The following ADAM22 variants were observed in gnomAD, a reference collection of about 807,000 sequenced individuals.
ADAM22 encodes ADAM metallopeptidase domain 22, also known as disintegrin and metalloproteinase domain-containing protein 22.
ADAM22 carries 65 observed loss-of-function variants against 144.6 expected under a neutral mutation model. The ratio of observed to expected loss-of-function variants is 0.45; its 90% CI spans 0.37 to 0.55. The LOEUF (loss-of-function observed/expected upper bound fraction) is 0.55. Among genes scored for constraint, ADAM22 ranks in the 20% least tolerant of loss-of-function variants. The pLI, the probability that ADAM22 is intolerant of heterozygous loss-of-function variation, is 0.00. For missense variants in ADAM22, 974 were observed against 1,184.9 expected (o/e 0.82, Z 2.61); for synonymous variants, 391 against 412.6 (o/e 0.95, Z 0.63).
intron 3 of ADAM22, among the ~76,000 whole-genome samples, chr7:88,009,516 A>T (rs1479561682): frequency 6.6e-6 from 1 of 152,178 alleles, no homozygotes; most frequent in African/African-American, 2.4e-5. Flanking sequence ...AGGCATCATA[A>T]TTTTTCACTA....
At chr7:87,953,611 A>G (rs1392550711) in intron 2 of ADAM22, among the ~76,000 whole-genome samples, 1 of 152,230 alleles carries the variant, frequency 6.6e-6, no homozygotes, top group Non-Finnish European at 1.5e-5. Flanking sequence ...AAAAGAATGT[A>G]TGTTCTGTTG....
intron 3 of ADAM22, among the ~76,000 whole-genome samples, chr7:88,016,376 A>T (rs905735913): frequency 1.3e-5 from 2 of 152,240 alleles, no homozygotes; most frequent in Non-Finnish European, 2.9e-5. Context: ...TTCTAGAACA[A>T]TGGGAAATGT....
chr7:88,009,869 T>C (rs1794960568), intron 3 of ADAM22, among the ~76,000 whole-genome samples: 1 of 152,202 alleles, frequency 6.6e-6, no homozygotes, highest in African/African-American at 2.4e-5. Context: ...GCTCTAAGAA[T>C]GTATCTGGAT....
At chr7:88,040,930 T>C (rs986795747) in intron 3 of ADAM22, among the ~76,000 whole-genome samples, 1 of 152,062 alleles carries the variant, frequency 6.6e-6, no homozygotes, top group Non-Finnish European at 1.5e-5. Context: ...TCAAAACCTC[T>C]CTTAGCCCCA....
intron 8 of ADAM22, among the ~76,000 whole-genome samples, chr7:88,126,889 C>T (rs1407010716): frequency 6.6e-6 from 1 of 151,818 alleles, no homozygotes; most frequent in Non-Finnish European, 1.5e-5. Flanking sequence ...ATAAGAGGAT[C>T]AAGAAACTTT....
intron 29 of ADAM22, among the ~76,000 whole-genome samples, chr7:88,183,647 A>G (rs1263532796): frequency 6.6e-6 from 1 of 151,924 alleles, no homozygotes; most frequent in South Asian, 2.1e-4. Context: ...ATTTAATATG[A>G]CATTACAATA....
chr7:88,030,492 T>C (rs1442975401), intron 3 of ADAM22, among the ~76,000 whole-genome samples: 1 of 152,158 alleles, frequency 6.6e-6, no homozygotes, highest in Non-Finnish European at 1.5e-5. Flanking sequence ...TTTTATTATT[T>C]GGTGATATGG....
In ADAM22 at chr7:88,165,906, CAAT is replaced by C. The variant is rs1311622613; in HGVS notation, c.2152_2154del (p.Asn718del). The stretch of plus-strand genomic sequence containing the variant: ...CTGATTGCAACACTTACTTCCCTCA[CAAT>C]GATGATGCAAAGACTGGTATCACTC... On this transcript the variant is annotated inframe_deletion, in exon 24 of 32. Transcript: ENST00000413139. 2 of 1,611,746 alleles carry C rather than the reference CAAT, an allele frequency of 1.2e-6. No homozygotes were observed. Among genetic ancestry groups the C allele is most frequent in the African/African-American group, 1.3e-5 (1 of 74,798 alleles).
chr7:88,015,256 G>T (rs896492953), intron 3 of ADAM22, among the ~76,000 whole-genome samples: 5 of 152,182 alleles, frequency 3.3e-5, no homozygotes, highest in Non-Finnish European at 7.3e-5. Context: ...TGATTGGAGA[G>T]CACTTAATAA....
At chr7:88,055,921 A>G (rs572612897) in intron 3 of ADAM22, among the ~76,000 whole-genome samples, 28 of 152,200 alleles carry the variant, frequency 1.8e-4, no homozygotes, top group African/African-American at 6.7e-4. Context: ...ATCATGACAG[A>G]TGTTTTGCTT....
Position 88,070,856 on chromosome 7 carries a change from AG to A in ADAM22, c.324-4769del, listed in dbSNP as rs367835867. 2.9e-3 allele frequency among the ~76,000 whole-genome samples: 442 copies of A among 152,318 alleles called. 3 individuals are homozygous for A. The highest frequency in any genetic ancestry group is 0.01 in the African/African-American group (418 of 41,580). ...TTGTTTTCATTTTTCCAGTGAATAC[AG>A]AAGTGAGATTATCTGAAGGGAGTGA... On this transcript the variant is annotated intron_variant, in intron 3 of 31. Coordinates refer to ENST00000413139, the MANE Select transcript of ADAM22 (RefSeq NM_001324418.2).
At chr7:88,148,916 T>G (rs1187093357) in intron 17 of ADAM22, 61 bp from the exon 18 acceptor site, 3 of 1,259,302 alleles carry the variant, frequency 2.4e-6, no homozygotes, top group Admixed American at 2.2e-5. Context: ...TTTTTTTAGA[T>G]GATATTGTAA....
At chr7:87,936,443 A>G (rs1841271699) in intron 2 of ADAM22, among the ~76,000 whole-genome samples, 1 of 152,172 alleles carries the variant, frequency 6.6e-6, no homozygotes, top group Admixed American at 6.5e-5. Flanking sequence ...TTTTTCAATT[A>G]ATTAAGATTA....
In ADAM22 at chr7:87,935,017, T is replaced by G. The variant is rs1221105554; in HGVS notation, c.86-9T>G. On this transcript the variant is annotated splice_polypyrimidine_tract_variant and intron_variant, in intron 1 of 31. Transcript: ENST00000413139. ...CTCCACTCCCTCCTTTCCCGGTTCCTGCCTGGAGGAGACGCCTCATTGATG... is the reference window on the plus strand; with the variant it reads ...CTCCACTCCCTCCTTTCCCGGTTCCGGCCTGGAGGAGACGCCTCATTGATG... 2 of 1,614,006 alleles carry G rather than the reference T, an allele frequency of 1.2e-6. No homozygotes were observed. Among genetic ancestry groups the G allele is most frequent in the African/African-American group, 2.7e-5 (2 of 74,922 alleles).
At chr7:87,980,555 A>G (rs1420257101) in intron 3 of ADAM22, among the ~76,000 whole-genome samples, 1 of 152,116 alleles carries the variant, frequency 6.6e-6, no homozygotes, top group Non-Finnish European at 1.5e-5. Flanking sequence ...GAGGAAAATT[A>G]AATAAGTCCA....
intron 3 of ADAM22, among the ~76,000 whole-genome samples, chr7:88,059,096 G>A (rs1377158750): frequency 1.3e-5 from 2 of 152,102 alleles, no homozygotes; most frequent in Admixed American, 1.3e-4. Flanking sequence ...TCTGAACATT[G>A]ACACCAAGTT....
chr7:88,015,432 T>C (rs962101932), intron 3 of ADAM22, among the ~76,000 whole-genome samples: 6 of 152,224 alleles, frequency 3.9e-5, no homozygotes, highest in African/African-American at 1.2e-4. Context: ...CCATCCCTGC[T>C]GCCCTTAGTT....
At chr7:87,973,414 C>T (rs1285205977) in intron 2 of ADAM22, among the ~76,000 whole-genome samples, 2 of 151,840 alleles carry the variant, frequency 1.3e-5, no homozygotes, top group East Asian at 1.9e-4. Flanking sequence ...GTTAGAATGG[C>T]GATCATTAAA....
At chr7:88,058,016 G>A (rs1457175886) in intron 3 of ADAM22, among the ~76,000 whole-genome samples, 2 of 152,190 alleles carry the variant, frequency 1.3e-5, no homozygotes, top group African/African-American at 4.8e-5. Flanking sequence ...GCTAGGTATA[G>A]CAGAGTGAAC....
Sources: allele counts gnomAD v4.1 joint callset (sites outside exome capture counted in the v4.1 genomes callset), GRCh38; gene constraint gnomAD v4.1.1; transcripts MANE v1.5; gene names NCBI Gene and HGNC (gene_info 2026-07-23, HGNC 2026-07-21).